The following CSNK1G1 variants were observed in gnomAD, a reference collection of about 807,000 sequenced individuals.
The protein encoded by CSNK1G1 is casein kinase 1 gamma 1.
Under a neutral mutation model 59.6 loss-of-function variants are expected in CSNK1G1, and 22 were observed. That is an observed-to-expected ratio of 0.37 (90% CI 0.26 to 0.53). The LOEUF (loss-of-function observed/expected upper bound fraction) is 0.53. Among genes scored for constraint, CSNK1G1 ranks in the 20% least tolerant of loss-of-function variants. The pLI, the probability that CSNK1G1 is intolerant of heterozygous loss-of-function variation, is 0.89. For synonymous variants in CSNK1G1, 179 were observed against 177.1 expected, an observed-to-expected ratio of 1.01 and a Z score of -0.08; for missense variants, 384 against 519.5, an observed-to-expected ratio of 0.74 and a Z score of 2.54.
At chr15:64,299,029 C>G (rs530760784) in intron 2 of CSNK1G1, among the ~76,000 whole-genome samples, 75 of 150,594 alleles carry the variant, frequency 5.0e-4, no homozygotes, top group Admixed American at 1.3e-3. Context: ...GACAGAGCAA[C>G]ACTCCATCTC....
At position 64,278,377 on chromosome 15, in the gene CSNK1G1, C is replaced by CGTGTGTGT. The variant is rs56064136; in HGVS notation, c.182-19144_182-19137dup. ...GTAAAAGTATATATGCATGTATGTG[C>CGTGTGTGT]GTGTGTGTGTGTGTGTGTGTGTGTG... On this transcript the variant is annotated intron_variant, in intron 2 of 11. Coordinates refer to ENST00000303052, the MANE Select transcript of CSNK1G1 (RefSeq NM_022048.5). 5.1e-3 allele frequency among the ~76,000 whole-genome samples: 571 copies of CGTGTGTGT among 111,446 alleles called. 7 individuals carry two copies. Among genetic ancestry groups the CGTGTGTGT allele is most frequent in the Middle Eastern group, 0.023 (4 of 174 alleles). 73.1% of individuals were successfully genotyped at this position (111,446 alleles called of 152,430 possible).
chr15:64,268,649 T>G (rs1335344301), intron 2 of CSNK1G1, among the ~76,000 whole-genome samples: 2 of 152,124 alleles, frequency 1.3e-5, no homozygotes, highest in African/African-American at 4.8e-5. Context: ...TATTTCATTT[T>G]TTATTCTTTT....
chr15:64,285,019 T>C (rs960856708), intron 2 of CSNK1G1, among the ~76,000 whole-genome samples: 2 of 152,148 alleles, frequency 1.3e-5, no homozygotes, highest in Non-Finnish European at 2.9e-5. Flanking sequence ...GTATCATCAA[T>C]GTATAAATTT....
At chr15:64,276,392 T>G (rs1893618157) in intron 2 of CSNK1G1, among the ~76,000 whole-genome samples, 1 of 152,212 alleles carries the variant, frequency 6.6e-6, no homozygotes, top group African/African-American at 2.4e-5. Context: ...ACCTACCCAA[T>G]TTCAGTAACT....
intron 1 of CSNK1G1, among the ~76,000 whole-genome samples, chr15:64,308,291 G>A (rs947563903): frequency 6.6e-6 from 1 of 151,606 alleles, no homozygotes; most frequent in South Asian, 2.1e-4. Context: ...TAGAGACGAG[G>A]TCTCACTATA....
intron 4 of CSNK1G1, among the ~76,000 whole-genome samples, chr15:64,236,615 G>T (rs1447577499): frequency 2.6e-5 from 4 of 152,094 alleles, no homozygotes. Flanking sequence ...CAGTCAGAAC[G>T]GCTACTATTA....
chr15:64,260,041 C>T (rs1345164468), intron 2 of CSNK1G1, among the ~76,000 whole-genome samples: 1 of 152,164 alleles, frequency 6.6e-6, no homozygotes, highest in East Asian at 1.9e-4. Context: ...TACTCAGCTC[C>T]TCTCACCTCC....
At chr15:64,280,606 C>T (rs1894072372) in intron 2 of CSNK1G1, among the ~76,000 whole-genome samples, 2 of 151,630 alleles carry the variant, frequency 1.3e-5, no homozygotes, top group South Asian at 2.1e-4. Context: ...ATGATCTGCC[C>T]GGCTCGGCCT....
rs1298322482 is a variant in CSNK1G1 at position 64,168,081 on chromosome 15, T to A, written c.*3850A>T. 1 of 152,556 alleles carries A rather than the reference T, an allele frequency of 6.6e-6. No homozygotes were observed. The highest frequency in any genetic ancestry group is 1.5e-5 in the Non-Finnish European group (1 of 68,040). 9.5% of individuals were successfully genotyped at this position (152,556 alleles called of 1,614,324 possible). On this transcript the variant is annotated 3_prime_UTR_variant, in exon 12 of 12. Transcript: ENST00000303052. ...GGTGATGGTCACCTTTTCTGGCTGA[T>A]GGACAGGGACTGTTTTCTAAGTACT...
intron 4 of CSNK1G1, among the ~76,000 whole-genome samples, chr15:64,219,668 C>A (rs2082359674): frequency 6.6e-6 from 1 of 152,102 alleles, no homozygotes; most frequent in Non-Finnish European, 1.5e-5. Flanking sequence ...CTATGTTGTC[C>A]AGGCTGGTCT....
chr15:64,304,459 C>T (rs980339787), intron 1 of CSNK1G1, among the ~76,000 whole-genome samples: 2 of 150,958 alleles, frequency 1.3e-5, no homozygotes, highest in Non-Finnish European at 2.9e-5. Context: ...TGGCATCTCT[C>T]ACTTAAGAAA....
At chr15:64,264,294 G>A (rs1349874985) in intron 2 of CSNK1G1, among the ~76,000 whole-genome samples, 3 of 152,002 alleles carry the variant, frequency 2.0e-5, no homozygotes, top group Non-Finnish European at 2.9e-5. Flanking sequence ...AATAGTTCCT[G>A]GAAACATACA....
chr15:64,296,932 C>T (rs1358264891), intron 2 of CSNK1G1, among the ~76,000 whole-genome samples: 4 of 137,512 alleles, frequency 2.9e-5, no homozygotes, highest in East Asian at 2.1e-4. Flanking sequence ...AATGCACTAT[C>T]GTTACTTTTT....
At chr15:64,300,774 A>G in intron 1 of CSNK1G1, 51 bp from the exon 2 acceptor site, 1 of 1,109,016 alleles carries the variant, frequency 9.0e-7, no homozygotes. Context: ...TTTGAAACAA[A>G]TTCAGAAAGT....
intron 10 of CSNK1G1, among the ~76,000 whole-genome samples, chr15:64,201,740 G>C (rs1397661421): frequency 6.8e-6 from 1 of 146,576 alleles, no homozygotes; most frequent in Non-Finnish European, 1.5e-5. Flanking sequence ...GTGTGTGTGT[G>C]TGTGTGTGTG....
At chr15:64,308,108 G>A (rs1045069998) in intron 1 of CSNK1G1, among the ~76,000 whole-genome samples, 7 of 152,076 alleles carry the variant, frequency 4.6e-5, no homozygotes, top group South Asian at 2.1e-4. Flanking sequence ...TCCTTATAAC[G>A]TTGATCTCTG....
At chr15:64,299,132 A>T (rs1596241641) in intron 2 of CSNK1G1, among the ~76,000 whole-genome samples, 1 of 152,148 alleles carries the variant, frequency 6.6e-6, no homozygotes, top group East Asian at 1.9e-4. Flanking sequence ...GTTTCTTACA[A>T]TGAGTCTTCA....
At chr15:64,329,178 C>T (rs374004877) in intron 1 of CSNK1G1, among the ~76,000 whole-genome samples, 1 of 152,094 alleles carries the variant, frequency 6.6e-6, no homozygotes, top group African/African-American at 2.4e-5. Flanking sequence ...GCGGACCTAA[C>T]AGACATCTAC....
At position 64,227,948 on chromosome 15, in the gene CSNK1G1, A is replaced by G. The variant is rs867788090; in HGVS notation, c.293-11235T>C. Among the ~76,000 whole-genome samples the G allele has an allele frequency of 6.6e-5, 10 of 152,272 alleles. No individual in the cohort carries two copies. In the Middle Eastern group the frequency reaches 0.01, roughly 155 times the overall value. On this transcript the variant is annotated intron_variant, in intron 4 of 11. Coordinates refer to ENST00000303052, the MANE Select transcript of CSNK1G1 (RefSeq NM_022048.5). ...CCATGCTCCCCAACCCAACTCTTCC[A>G]AACCCTATGTCCTGCCCTTTTGGTT... is the stretch of plus-strand genomic sequence containing the variant.
Sources: gnomAD v4.1 joint callset for allele counts (sites outside exome capture counted in the v4.1 genomes callset) on GRCh38, gnomAD v4.1.1 for gene constraint, MANE v1.5 for transcripts, NCBI Gene and HGNC (gene_info 2026-07-23, HGNC 2026-07-21) for gene names.